The following ZNF532 variants were observed in gnomAD, a reference collection of about 807,000 sequenced individuals.
ZNF532 encodes the protein zinc finger protein 532.
A neutral mutation model predicts 89.3 loss-of-function variants in ZNF532; 22 were observed. The ratio of observed to expected loss-of-function variants is 0.25; its 90% CI spans 0.18 to 0.35. The LOEUF (loss-of-function observed/expected upper bound fraction) is 0.35. ZNF532 is among the 10% of genes least tolerant of loss of function. The pLI, the probability that ZNF532 is intolerant of heterozygous loss-of-function variation, is 1.00. For synonymous variants in ZNF532, 606 were observed against 649.6 expected, an observed-to-expected ratio of 0.93 and a Z score of 1.02; for missense variants, 1,132 against 1,643.4, an observed-to-expected ratio of 0.69 and a Z score of 5.38.
intron 2 of ZNF532, among the ~76,000 whole-genome samples, chr18:58,888,739 T>TAAA (rs1555709028): frequency 0.029 from 1,355 of 46,822 alleles, 187 homozygotes; most frequent in African/African-American, 0.18. Flanking sequence ...TATATATATA[T>TAAA]ATTTTATATA....
In ZNF532 at chr18:58,986,261, C is replaced by T. The variant is rs2068378844; in HGVS notation, c.*1795C>T. The T allele has an allele frequency of 6.6e-6, 1 of 152,554 alleles. No individual in the cohort carries two copies. The highest frequency in any genetic ancestry group is 2.4e-5 in the African/African-American group (1 of 41,422). 9.5% of individuals were successfully genotyped at this position (152,554 alleles called of 1,614,324 possible). A position where few individuals can be genotyped will look rare whatever the true frequency, so the allele number is the denominator to read the frequency against. On this transcript the variant is annotated 3_prime_UTR_variant, in exon 10 of 10. Transcript: ENST00000591808. ...TCTGCATTTGAACCTTGCAATAAGC[C>T]TGTGTGGTAGGCCACATAGGTCCGA...
chr18:58,878,592 C>T (rs372097488), intron 2 of ZNF532, among the ~76,000 whole-genome samples: 3 of 152,240 alleles, frequency 2.0e-5, no homozygotes, highest in Non-Finnish European at 4.4e-5. Context: ...CCAGCCTTCA[C>T]GTGGAGTGGT....
At chr18:58,965,598 A>C (rs2065841073) in intron 7 of ZNF532, among the ~76,000 whole-genome samples, 1 of 152,146 alleles carries the variant, frequency 6.6e-6, no homozygotes, top group Non-Finnish European at 1.5e-5. Flanking sequence ...TAGGTGTTCA[A>C]TCTTGGTTAA....
chr18:58,957,449 T>C (rs567136905), intron 7 of ZNF532, among the ~76,000 whole-genome samples: 13 of 143,680 alleles, frequency 9.0e-5, no homozygotes, highest in Non-Finnish European at 1.2e-4. Flanking sequence ...ATAAAATAAC[T>C]TGGGGAATAA....
chr18:58,888,756 A>G lies in ZNF532; in HGVS notation c.-18+23177A>G, dbSNP rs1279236787. ...TATATATATATTTTATATATATATA[A>G]AATTAATATATATAATTTATATATA... On this transcript the variant is annotated intron_variant, in intron 2 of 9. Coordinates refer to ENST00000591808, the MANE Select transcript of ZNF532 (RefSeq NM_001375912.1). 6.2e-3 allele frequency among the ~76,000 whole-genome samples: 219 copies of G among 35,368 alleles called. 31 individuals carry two copies. The highest frequency in any genetic ancestry group is 7.4e-3 in the Non-Finnish European group (173 of 23,230). 23.2% of individuals were successfully genotyped at this position (35,368 alleles called of 152,430 possible). A position where few individuals can be genotyped will look rare whatever the true frequency, so the allele number is the denominator to read the frequency against.
intron 7 of ZNF532, among the ~76,000 whole-genome samples, chr18:58,965,633 G>T (rs919705118): frequency 1.3e-4 from 20 of 152,308 alleles, no homozygotes; most frequent in Non-Finnish European, 2.4e-4. Flanking sequence ...TCATTAACTG[G>T]ACGTGTGTGT....
At chr18:58,890,039 C>T (rs11152101) in intron 2 of ZNF532, among the ~76,000 whole-genome samples, 33,952 of 151,022 alleles carry the variant, frequency 0.22, 4,386 homozygotes, top group Middle Eastern at 0.4. Flanking sequence ...GCCAAGATCG[C>T]GCCACTGCAC....
intron 2 of ZNF532, among the ~76,000 whole-genome samples, chr18:58,900,188 G>C (rs1218677718): frequency 6.6e-6 from 1 of 152,228 alleles, no homozygotes; most frequent in Admixed American, 6.5e-5. Context: ...GGGCTTCTCT[G>C]TGATTCCTCG....
chr18:58,912,910 G>A (rs1273253564), intron 2 of ZNF532, among the ~76,000 whole-genome samples: 1 of 152,046 alleles, frequency 6.6e-6, no homozygotes, highest in African/African-American at 2.4e-5. Flanking sequence ...TGCTCCAGAG[G>A]CGCGGCTGAT....
At chr18:58,947,104 T>G (rs1213676752) in intron 5 of ZNF532, among the ~76,000 whole-genome samples, 2 of 152,218 alleles carry the variant, frequency 1.3e-5, no homozygotes, top group Non-Finnish European at 2.9e-5. Context: ...TAGAATTCTT[T>G]GTGCCCATTC....
rs377069773 is a variant in ZNF532, at chr18:58,961,474, C to T, written c.3150+7675C>T. ...TAGGTGTTACTGAAAAAAAGACTGG[C>T]GAGTCCTGCCTGGTCTTTACACGCT... On this transcript the variant is annotated intron_variant, in intron 7 of 9. Transcript: ENST00000591808. 8.5e-5 allele frequency among the ~76,000 whole-genome samples: 13 copies of T among 152,238 alleles called. No individual in the cohort carries two copies. The East Asian group carries it at 1.7e-3, about 20-fold the overall frequency.
chr18:58,880,764 G>GCA (rs2057832957), intron 2 of ZNF532, among the ~76,000 whole-genome samples: 1 of 139,212 alleles, frequency 7.2e-6, no homozygotes, highest in Non-Finnish European at 1.5e-5. Flanking sequence ...GCGCGCGCAC[G>GCA]CGCGCGCGTC....
intron 3 of ZNF532, among the ~76,000 whole-genome samples, chr18:58,932,040 C>T (rs2062007684): frequency 6.6e-6 from 1 of 152,110 alleles, no homozygotes; most frequent in Admixed American, 6.6e-5. Flanking sequence ...AGTGTCTGTA[C>T]GTGGATATGC....
At chr18:58,873,996 G>C (rs563014760) in intron 2 of ZNF532, among the ~76,000 whole-genome samples, 2 of 126,360 alleles carry the variant, frequency 1.6e-5, no homozygotes, top group African/African-American at 6.6e-5. Context: ...CATATATAAA[G>C]TGTTTAGCAG....
rs1029025506 is a variant in ZNF532, at chr18:58,953,932, C to G, written c.3150+133C>G. 2.8e-6 allele frequency: 4 copies of G among 1,437,912 alleles called. No individual in the cohort carries two copies. The Middle Eastern group carries it at 6.4e-4, about 232-fold the overall frequency. The allele number at this position is 1,437,912 out of a possible 1,614,324, so 89.1% of individuals were successfully genotyped here. A position where few individuals can be genotyped will look rare whatever the true frequency, so the allele number is the denominator to read the frequency against. On this transcript the variant is annotated intron_variant, in intron 7 of 9. Transcript: ENST00000591808. ...TGACCTTAAAAATCACTTGGTGTCTCTCTGCCTCACTTCTTTATCTGTGAA... is the reference window on the plus strand; with the variant it reads ...TGACCTTAAAAATCACTTGGTGTCTGTCTGCCTCACTTCTTTATCTGTGAA...
chr18:58,972,743 T>C (rs2066598873), intron 7 of ZNF532, among the ~76,000 whole-genome samples: 1 of 152,296 alleles, frequency 6.6e-6, no homozygotes, highest in Middle Eastern at 3.4e-3. Context: ...CTCTTTCTTA[T>C]CCGTATTTAA....
intron 3 of ZNF532, among the ~76,000 whole-genome samples, chr18:58,920,896 T>C (rs1281848186): frequency 6.6e-6 from 1 of 151,614 alleles, no homozygotes; most frequent in Non-Finnish European, 1.5e-5. Context: ...GTGGCAGTGG[T>C]GTTGGAGGTG....
chr18:58,871,391 T>C (rs1194965099), intron 2 of ZNF532, among the ~76,000 whole-genome samples: 1 of 152,144 alleles, frequency 6.6e-6, no homozygotes, highest in Non-Finnish European at 1.5e-5. Context: ...CCGCAGCAGC[T>C]ATTATGTTAC....
At chr18:58,898,332 C>A (rs191206058) in intron 2 of ZNF532, among the ~76,000 whole-genome samples, 1 of 152,156 alleles carries the variant, frequency 6.6e-6, no homozygotes, top group African/African-American at 2.4e-5. Flanking sequence ...ATAATGGCTC[C>A]GAGGCCTACC....
Sources: allele counts gnomAD v4.1 joint callset (sites outside exome capture counted in the v4.1 genomes callset), GRCh38; gene constraint gnomAD v4.1.1; transcripts MANE v1.5; gene names NCBI Gene and HGNC (gene_info 2026-07-23, HGNC 2026-07-21).